STX17: variants seen among roughly 807,000 people sequenced by gnomAD.
The protein encoded by STX17 is syntaxin 17.
Under a neutral mutation model 35.9 loss-of-function variants are expected in STX17, and 29 were observed. The ratio of observed to expected loss-of-function variants is 0.81; its 90% CI spans 0.60 to 1.10. The LOEUF (loss-of-function observed/expected upper bound fraction) is 1.10, where lower values mean the gene tolerates loss of function less well. Among genes scored for constraint, STX17 ranks in the 50% least tolerant of loss-of-function variants. The probability of loss-of-function intolerance (pLI) is 0.00; values close to 1 mark genes in which losing one functional copy is unlikely to be tolerated. For missense variants in STX17, 312 were observed against 352.3 expected (o/e 0.89, Z 0.92); for synonymous variants, 92 against 118.3 (o/e 0.78, Z 1.44).
intron 4 of STX17, among the ~76,000 whole-genome samples, chr9:99,957,950 CGGT>C (rs372371941): frequency 1.2e-3 from 190 of 152,172 alleles, no homozygotes; most frequent in African/African-American, 4.4e-3. Flanking sequence ...GTTTCTTACA[CGGT>C]GGCTATAGTT....
intron 3 of STX17, chr9:99,945,779 T>A: frequency 2.6e-6 from 1 of 390,416 alleles, no homozygotes; most frequent in Non-Finnish European, 5.1e-6. Context: ...AAAAATTTTT[T>A]TTTTTTAAAT....
chr9:99,930,499 G>C (rs1829099090), intron 3 of STX17, among the ~76,000 whole-genome samples: 1 of 150,760 alleles, frequency 6.6e-6, no homozygotes. Flanking sequence ...GATCTCCTGA[G>C]CTCGTGGTCC....
intron 1 of STX17, chr9:99,907,034 T>A (rs943942550): frequency 6.6e-6 from 1 of 152,332 alleles, no homozygotes; most frequent in Admixed American, 6.5e-5. Flanking sequence ...GTCGCTGGCG[T>A]CTGGGTCCCG....
At chr9:99,949,759 G>A (rs1342499450) in intron 3 of STX17, among the ~76,000 whole-genome samples, 1 of 151,788 alleles carries the variant, frequency 6.6e-6, no homozygotes, top group African/African-American at 2.4e-5. Flanking sequence ...GATTATTTTT[G>A]CAAATTTGTT....
chr9:99,962,059 C>T (rs1334679277), intron 6 of STX17, among the ~76,000 whole-genome samples: 1 of 152,106 alleles, frequency 6.6e-6, no homozygotes, highest in Non-Finnish European at 1.5e-5. Flanking sequence ...CACTCTATCC[C>T]ACCCCACCAT....
At position 99,970,402 on chromosome 9, in the gene STX17, T is replaced by G. The variant is rs1047997875; in HGVS notation, c.*1729T>G. 1.3e-5 allele frequency: 2 copies of G among 152,212 alleles called. No individual in the cohort carries two copies. Among genetic ancestry groups the G allele is most frequent in the Non-Finnish European group, 2.9e-5 (2 of 68,038 alleles). The allele number at this position is 152,212 out of a possible 1,614,324, so 9.4% of individuals were successfully genotyped here. On this transcript the variant is annotated 3_prime_UTR_variant, in exon 8 of 8. Transcript: ENST00000259400. ...TAATAATACCAAGAAGGAAATACTTTGAATAAGTGTCAGATTCTGATCCAG... is the reference window on the plus strand; with the variant it reads ...TAATAATACCAAGAAGGAAATACTTGGAATAAGTGTCAGATTCTGATCCAG...
At chr9:99,907,425 G>A (rs1173347961) in intron 1 of STX17, 1 of 152,212 alleles carries the variant, frequency 6.6e-6, no homozygotes, top group East Asian at 1.9e-4. Flanking sequence ...TGGGTTTCCT[G>A]AGAAATGGGG....
chr9:99,948,613 A>G (rs979545373), intron 3 of STX17, among the ~76,000 whole-genome samples: 42 of 152,116 alleles, frequency 2.8e-4, no homozygotes, highest in African/African-American at 8.9e-4. Context: ...CATTTCAAAG[A>G]TATATTGTGA....
chr9:99,948,171 A>G (rs966393954), intron 3 of STX17, among the ~76,000 whole-genome samples: 1 of 152,146 alleles, frequency 6.6e-6, no homozygotes, highest in Non-Finnish European at 1.5e-5. Context: ...TCCTAACTAC[A>G]TGTGACTGTT....
chr9:99,932,988 C>T (rs1054995176), intron 3 of STX17, among the ~76,000 whole-genome samples: 1 of 151,974 alleles, frequency 6.6e-6, no homozygotes, highest in East Asian at 1.9e-4. Flanking sequence ...TTTATGGTTC[C>T]TACTTTGGCG....
chr9:99,955,522 T>G (rs1213158149), intron 4 of STX17, among the ~76,000 whole-genome samples: 1 of 152,130 alleles, frequency 6.6e-6, no homozygotes, highest in Non-Finnish European at 1.5e-5. Context: ...GCAATGCTTT[T>G]GAATTAATTT....
chr9:99,957,656 G>T lies in STX17; in HGVS notation c.416-2261G>T, dbSNP rs7038647. ...TTTTTGTTTTTATGTTATTGTTTTT[G>T]TTTTTTTTTTTTTTTTGAGACAGGG... On this transcript the variant is annotated intron_variant, in intron 4 of 7. Coordinates refer to ENST00000259400, the MANE Select transcript of STX17 (RefSeq NM_017919.3). Among the ~76,000 whole-genome samples, 533 of 133,860 alleles carry T rather than the reference G, an allele frequency of 4.0e-3. 2 individuals carry two copies. The highest frequency in any genetic ancestry group is 7.9e-3 in the African/African-American group (283 of 36,006). 87.8% of individuals were successfully genotyped at this position (133,860 alleles called of 152,430 possible).
At chr9:99,940,933 T>G (rs1471570839) in intron 3 of STX17, among the ~76,000 whole-genome samples, 2 of 152,240 alleles carry the variant, frequency 1.3e-5, no homozygotes, top group African/African-American at 4.8e-5. Flanking sequence ...CTAACTCTTG[T>G]GAACTAAACT....
intron 2 of STX17, among the ~76,000 whole-genome samples, chr9:99,928,144 A>G (rs1829027922): frequency 6.6e-6 from 1 of 152,084 alleles, no homozygotes; most frequent in Non-Finnish European, 1.5e-5. Context: ...TGATGTTTAT[A>G]TTCTATATAA....
intron 3 of STX17, among the ~76,000 whole-genome samples, chr9:99,941,007 A>G (rs1266251035): frequency 6.6e-6 from 1 of 152,170 alleles, no homozygotes; most frequent in Admixed American, 6.5e-5. Flanking sequence ...TTATGCTTGT[A>G]TGTCAGAATT....
At chr9:99,923,806 A>G (rs534245726) in intron 2 of STX17, among the ~76,000 whole-genome samples, 15 of 152,274 alleles carry the variant, frequency 9.9e-5, no homozygotes, top group African/African-American at 3.6e-4. Flanking sequence ...TGGCTCACAG[A>G]ACTCAGGGAG....
At chr9:99,912,757 T>C (rs932713114) in intron 1 of STX17, among the ~76,000 whole-genome samples, 3 of 152,248 alleles carry the variant, frequency 2.0e-5, no homozygotes, top group African/African-American at 7.2e-5. Flanking sequence ...GAAACATTTT[T>C]ATTATACTTC....
Position 99,969,125 on chromosome 9 carries a change from A to C in STX17, c.*452A>C, listed in dbSNP as rs1405992662. On this transcript the variant is annotated 3_prime_UTR_variant, in exon 8 of 8. Coordinates refer to ENST00000259400, the MANE Select transcript of STX17 (RefSeq NM_017919.3). ...GCCTTTGTTATCAGATAGCGAAATC[A>C]GGGCCTAGTGAGGAGCACAGGTCGA... 1 of 153,262 alleles carries C rather than the reference A, an allele frequency of 6.5e-6. No individual in the cohort carries two copies. The highest frequency in any genetic ancestry group is 1.5e-5 in the Non-Finnish European group (1 of 68,734). 9.5% of individuals were successfully genotyped at this position (153,262 alleles called of 1,614,324 possible).
At chr9:99,920,626 C>T (rs1333894512) in intron 2 of STX17, among the ~76,000 whole-genome samples, 2 of 152,184 alleles carry the variant, frequency 1.3e-5, no homozygotes, top group Non-Finnish European at 2.9e-5. Context: ...CTTCAAACTA[C>T]CTCTCTAGTG....
Sources: gnomAD v4.1 joint callset for allele counts (sites outside exome capture counted in the v4.1 genomes callset) on GRCh38, gnomAD v4.1.1 for gene constraint, MANE v1.5 for transcripts, NCBI Gene and HGNC (gene_info 2026-07-23, HGNC 2026-07-21) for gene names.